NBAS: variants seen among roughly 807,000 people sequenced by gnomAD.
NBAS encodes the protein NBAS subunit of NRZ tethering complex, also known as NAG/BC035112 fusion.
NBAS carries 219 observed loss-of-function variants against 302.5 expected under a neutral mutation model. The observed-to-expected ratio is 0.72, with a 90% CI of 0.65 to 0.81. The LOEUF is 0.81. NBAS is among the 30% of genes least tolerant of loss of function. NBAS has a pLI of 0.00. For missense variants in NBAS, 2,932 were observed against 2,841.6 expected (o/e 1.03, Z -0.72); for synonymous variants, 1,118 against 1,021.6 (o/e 1.09, Z -1.80).
At chr2:15,049,410 G>A in the NBAS span, among the ~76,000 whole-genome samples, 1 of 152,168 alleles carries the variant, frequency 6.6e-6, no homozygotes, top group African/African-American at 2.4e-5. Flanking sequence ...ACCTCCTGCA[G>A]CCTGGAGGTC....
chr2:15,301,402 T>C (rs985929191), intron 40 of NBAS, among the ~76,000 whole-genome samples: 1 of 152,086 alleles, frequency 6.6e-6, no homozygotes, highest in Non-Finnish European at 1.5e-5. Context: ...TTTAGAAAAA[T>C]CCCACACCGT....
At chr2:14,788,998 C>T in the NBAS span, among the ~76,000 whole-genome samples, 1 of 152,246 alleles carries the variant, frequency 6.6e-6, no homozygotes, top group African/African-American at 2.4e-5. Flanking sequence ...GTTGGAGCTT[C>T]CTGGCTGCTT....
chr2:14,786,970 G>GGCTTA, the NBAS span, among the ~76,000 whole-genome samples: 4 of 152,086 alleles, frequency 2.6e-5, no homozygotes, highest in African/African-American at 9.7e-5. Flanking sequence ...CCTCTTTGTA[G>GGCTTA]GTCACTCAGG....
the NBAS span, among the ~76,000 whole-genome samples, chr2:15,062,507 G>A: frequency 1.4e-4 from 21 of 152,114 alleles, no homozygotes; most frequent in East Asian, 2.3e-3. Context: ...AGAAATGCTC[G>A]AACCTCCAGA....
chr2:15,430,582 T>C (rs963554212), intron 21 of NBAS, among the ~76,000 whole-genome samples: 3 of 152,304 alleles, frequency 2.0e-5, no homozygotes, highest in East Asian at 3.9e-4. Flanking sequence ...ATGAGAAAAC[T>C]AAAGCATAAA....
intron 41 of NBAS, among the ~76,000 whole-genome samples, chr2:15,287,718 C>T (rs931462281): frequency 4.0e-5 from 6 of 151,014 alleles, no homozygotes; most frequent in Admixed American, 1.3e-4. Context: ...GCATAGGCAT[C>T]CCAGGAATCC....
At chr2:15,008,559 G>C in the NBAS span, among the ~76,000 whole-genome samples, 9 of 152,174 alleles carry the variant, frequency 5.9e-5, no homozygotes, top group Non-Finnish European at 8.8e-5. Flanking sequence ...TGACATAAAT[G>C]GTGCCTCAGA....
the NBAS span, among the ~76,000 whole-genome samples, chr2:14,946,138 C>G: frequency 6.6e-6 from 1 of 152,000 alleles, no homozygotes; most frequent in Non-Finnish European, 1.5e-5. Context: ...GGGTATCAAG[C>G]AAGAGCAAAG....
the NBAS span, among the ~76,000 whole-genome samples, chr2:15,021,751 A>G: frequency 6.6e-6 from 1 of 152,230 alleles, no homozygotes; most frequent in Non-Finnish European, 1.5e-5. Context: ...TGGACAGCAC[A>G]TAGCAGGTTG....
chr2:14,832,752 C>A, the NBAS span, among the ~76,000 whole-genome samples: 2 of 152,190 alleles, frequency 1.3e-5, no homozygotes, highest in African/African-American at 2.4e-5. Flanking sequence ...GGATTCTACA[C>A]TAGGGTTTCT....
Position 15,485,911 on chromosome 2 carries a change from G to GA in NBAS, c.1083+2982dup, listed in dbSNP as rs148021621. On this transcript the variant is annotated intron_variant, in intron 12 of 51. Coordinates refer to ENST00000281513, the MANE Select transcript of NBAS (RefSeq NM_015909.4). ...TCACCACAGCCTTAGGGTTTTAAAG[G>GA]AAAAAAAAAAGAAATAAAATTAAAT... Among the ~76,000 whole-genome samples the GA allele has an allele frequency of 9.8e-3, 1,442 of 147,514 alleles. 21 individuals are homozygous for GA. Among genetic ancestry groups the GA allele is most frequent in the East Asian group, 0.06 (305 of 5,094 alleles).
At chr2:14,980,207 T>C in the NBAS span, among the ~76,000 whole-genome samples, 1 of 152,082 alleles carries the variant, frequency 6.6e-6, no homozygotes, top group Non-Finnish European at 1.5e-5. Context: ...GACCCAAAGA[T>C]GCCTGGTCAG....
At chr2:15,527,734 T>C (rs1410602627) in intron 9 of NBAS, among the ~76,000 whole-genome samples, 1 of 152,136 alleles carries the variant, frequency 6.6e-6, no homozygotes, top group Non-Finnish European at 1.5e-5. Context: ...GCAGGATATA[T>C]TCATCAAAAT....
the NBAS span, among the ~76,000 whole-genome samples, chr2:14,857,928 C>A: frequency 6.6e-6 from 1 of 152,252 alleles, no homozygotes; most frequent in African/African-American, 2.4e-5. Context: ...ATCCCTCTGA[C>A]AGGGGATTAA....
chr2:14,856,052 C>T, the NBAS span, among the ~76,000 whole-genome samples: 6 of 152,164 alleles, frequency 3.9e-5, no homozygotes, highest in Admixed American at 6.5e-5. Flanking sequence ...TCACCTACAG[C>T]TTTAGGTCAC....
At chr2:15,096,972 G>A in the NBAS span, among the ~76,000 whole-genome samples, 1 of 152,174 alleles carries the variant, frequency 6.6e-6, no homozygotes, top group African/African-American at 2.4e-5. Context: ...TGCTTGGGAG[G>A]GGAGCCCAAG....
chr2:15,554,274 C>G (rs560250929), intron 3 of NBAS, 136 bp from the exon 4 acceptor site: 1 of 764,690 alleles, frequency 1.3e-6, no homozygotes, highest in South Asian at 1.6e-5. Flanking sequence ...ATTAGCAAAC[C>G]CAAAACCCAA....
Position 15,327,848 on chromosome 2 carries a change from T to A in NBAS, c.4484A>T (p.Tyr1495Phe). 1 of 1,613,678 alleles carries A rather than the reference T, an allele frequency of 6.2e-7. No homozygotes were observed. The highest frequency in any genetic ancestry group is 8.5e-7 in the Non-Finnish European group (1 of 1,179,752). ...AAAGCTTTCCACTGGAACATGCTGA[T>A]AGGTGTCATAGGTCCCTTCAGACTA... is the stretch of plus-strand genomic sequence containing the variant. ...VAESEGTYDTYQHVPVESFAE... is the reference protein window; with the variant it reads ...VAESEGTYDTFQHVPVESFAE... Residue 1495 changes from tyrosine to phenylalanine, a missense_variant, in exon 38 of 52, where the codon TAT becomes TTT. Physicochemically the swap from Tyr to Phe is conservative, Grantham distance 22 (BLOSUM62 3). Transcript: ENST00000281513.
intron 47 of NBAS, among the ~76,000 whole-genome samples, chr2:15,231,136 G>A (rs558434076): frequency 1.3e-5 from 2 of 152,304 alleles, no homozygotes; most frequent in Admixed American, 1.3e-4. Context: ...TGACTCCTTT[G>A]TGACTTCACA....
Sources: gnomAD v4.1 joint callset for allele counts (sites outside exome capture counted in the v4.1 genomes callset) on GRCh38, gnomAD v4.1.1 for gene constraint, MANE v1.5 for transcripts, NCBI Gene and HGNC (gene_info 2026-07-23, HGNC 2026-07-21) for gene names.